Variants in MALRD1 observed in about 807,000 individuals in gnomAD.
The protein encoded by MALRD1 is MAM and LDL-receptor class A domain-containing protein 1.
MALRD1 carries 247 observed loss-of-function variants against 242.1 expected under a neutral mutation model. The ratio of observed to expected loss-of-function variants is 1.02; its 90% CI spans 0.92 to 1.13. The LOEUF is 1.13. Ranked by LOEUF, MALRD1 falls within the 50% of genes most tolerant of loss-of-function variation. MALRD1 has a pLI of 0.00. For missense variants in MALRD1, 2,989 were observed against 2,533.1 expected, an observed-to-expected ratio of 1.18 and a Z score of -3.86; for synonymous variants, 995 against 866.6, an observed-to-expected ratio of 1.15 and a Z score of -2.60.
At chr10:19,397,545 C>T (rs546640740) in intron 28 of MALRD1, among the ~76,000 whole-genome samples, 1 of 152,216 alleles carries the variant, frequency 6.6e-6, no homozygotes, top group South Asian at 2.1e-4. Context: ...CTACAATAAA[C>T]ATGAGAGGAC....
At chr10:19,059,545 C>T (rs564802497) in intron 1 of MALRD1, among the ~76,000 whole-genome samples, 51 of 152,064 alleles carry the variant, frequency 3.4e-4, no homozygotes, top group Non-Finnish European at 2.1e-4. Flanking sequence ...TGTCACTATA[C>T]GCATCTAATT....
chr10:19,486,283 T>G (rs559285666), intron 29 of MALRD1, among the ~76,000 whole-genome samples: 4 of 152,124 alleles, frequency 2.6e-5, no homozygotes, highest in Admixed American at 2.6e-4. Flanking sequence ...GTCTGATCAG[T>G]TTTTTTTAAC....
chr10:19,189,545 T>C (rs1429323022), intron 14 of MALRD1, among the ~76,000 whole-genome samples: 3 of 152,126 alleles, frequency 2.0e-5, no homozygotes, highest in Non-Finnish European at 2.9e-5. Flanking sequence ...TGATCGTTTA[T>C]GCAAAATCCT....
At chr10:19,615,393 C>T (rs1839097856) in intron 35 of MALRD1, among the ~76,000 whole-genome samples, 1 of 150,304 alleles carries the variant, frequency 6.7e-6, no homozygotes, top group South Asian at 2.1e-4. Context: ...TAGTGTGCCC[C>T]TGTGGCCCCA....
chr10:19,531,400 G>T (rs1187092776), intron 32 of MALRD1, 49 bp downstream of exon 32: 2 of 1,435,406 alleles, frequency 1.4e-6, no homozygotes, highest in East Asian at 5.2e-5. Context: ...TGCATGACAT[G>T]TTTAAACATT....
At chr10:19,123,629 T>C (rs1307004945) in intron 6 of MALRD1, 36 bp downstream of exon 6, 9 of 1,131,944 alleles carry the variant, frequency 8.0e-6, no homozygotes, top group Non-Finnish European at 1.0e-5. Context: ...TTTTCTGGTA[T>C]ATATGCAATA....
intron 26 of MALRD1, among the ~76,000 whole-genome samples, chr10:19,384,428 ATATAT>A (rs1177064047): frequency 8.6e-6 from 1 of 116,720 alleles, no homozygotes; most frequent in African/African-American, 3.4e-5. Context: ...AATATTTACC[ATATAT>A]TATATATTAT....
chr10:19,692,607 C>A (rs908761758), intron 38 of MALRD1, 53 bp downstream of exon 38: 1 of 1,383,562 alleles, frequency 7.2e-7, no homozygotes, highest in Non-Finnish European at 9.8e-7. Flanking sequence ...GAAAAATTTT[C>A]TTCAACATTT....
chr10:19,686,998 GA>G (rs201361810), intron 36 of MALRD1, among the ~76,000 whole-genome samples: 1,788 of 142,022 alleles, frequency 0.013, 23 homozygotes, highest in African/African-American at 0.035. Context: ...AGTGCTCTTT[GA>G]AAAAAAAAAA....
At chr10:19,454,405 G>GATATAT (rs141643131) in intron 29 of MALRD1, among the ~76,000 whole-genome samples, 1,938 of 80,414 alleles carry the variant, frequency 0.024, 98 homozygotes, top group African/African-American at 0.06. Flanking sequence ...TTATGCATAT[G>GATATAT]ATATATATAT....
chr10:19,515,447 A>G (rs1160574629), intron 31 of MALRD1, among the ~76,000 whole-genome samples: 1 of 152,208 alleles, frequency 6.6e-6, no homozygotes, highest in Non-Finnish European at 1.5e-5. Context: ...GAGAAACTGT[A>G]GAAGAGGCAA....
At chr10:19,325,717 T>C (rs1484210547) in intron 22 of MALRD1, among the ~76,000 whole-genome samples, 1 of 152,136 alleles carries the variant, frequency 6.6e-6, no homozygotes, top group Non-Finnish European at 1.5e-5. Context: ...AGGGCTATCT[T>C]GCTGGAAGCA....
chr10:19,697,960 A>C (rs1460273158), intron 38 of MALRD1, among the ~76,000 whole-genome samples: 1 of 152,064 alleles, frequency 6.6e-6, no homozygotes, highest in Non-Finnish European at 1.5e-5. Flanking sequence ...TTCCTCCTCT[A>C]CACATTCTCC....
chr10:19,076,694 C>T (rs1835329703), intron 2 of MALRD1, among the ~76,000 whole-genome samples: 1 of 151,912 alleles, frequency 6.6e-6, no homozygotes, highest in Non-Finnish European at 1.5e-5. Flanking sequence ...CAGCCTTGTA[C>T]TGTAGTTTGA....
intron 32 of MALRD1, among the ~76,000 whole-genome samples, chr10:19,553,739 G>A (rs1181154088): frequency 6.6e-6 from 1 of 152,110 alleles, no homozygotes; most frequent in Admixed American, 6.5e-5. Flanking sequence ...ACTAGATGGA[G>A]GTAGCATACA....
At chr10:19,368,529 T>C (rs916225444) in intron 26 of MALRD1, among the ~76,000 whole-genome samples, 1 of 152,136 alleles carries the variant, frequency 6.6e-6, no homozygotes, top group Admixed American at 6.6e-5. Context: ...AGCTTTGTAA[T>C]GTATTTTGAA....
chr10:19,189,333 G>A (rs1564454228), intron 14 of MALRD1, among the ~76,000 whole-genome samples: 1 of 152,048 alleles, frequency 6.6e-6, no homozygotes, highest in Non-Finnish European at 1.5e-5. Context: ...TGCTAACAAA[G>A]TAAAGCCCTG....
chr10:19,187,557 A>T (rs1286274636), intron 14 of MALRD1, among the ~76,000 whole-genome samples: 2 of 152,184 alleles, frequency 1.3e-5, no homozygotes, highest in Non-Finnish European at 2.9e-5. Flanking sequence ...GAAGAGGTTG[A>T]TTATAGAGAA....
chr10:19,338,095 C>T lies in MALRD1; in HGVS notation c.3901+6513C>T, dbSNP rs574094797. The stretch of plus-strand genomic sequence containing the variant: ...AAAAAAGAAAGAAAGTACATATACT[C>T]CTTCTTTCCATATACCCATAGCCTT... On this transcript the variant is annotated intron_variant, in intron 24 of 39. Transcript: ENST00000454679. 2.6e-5 allele frequency among the ~76,000 whole-genome samples: 4 copies of T among 151,892 alleles called. No individual in the cohort carries two copies. The South Asian group carries it at 8.3e-4, about 32-fold the overall frequency.
Sources: allele counts gnomAD v4.1 joint callset (sites outside exome capture counted in the v4.1 genomes callset), GRCh38; gene constraint gnomAD v4.1.1; transcripts MANE v1.5; gene names NCBI Gene and HGNC (gene_info 2026-07-23, HGNC 2026-07-21).